KLF13: variants seen among roughly 807,000 people sequenced by gnomAD.
KLF13 encodes KLF transcription factor 13.
Under a neutral mutation model 16.7 loss-of-function variants are expected in KLF13, and 8 were observed. That is an observed-to-expected ratio of 0.48 (90% CI 0.28 to 0.87). The LOEUF (loss-of-function observed/expected upper bound fraction) is 0.87, where lower values mean the gene tolerates loss of function less well. Ranked by LOEUF, KLF13 falls within the 40% of genes least tolerant of loss-of-function variation. The probability of loss-of-function intolerance (pLI) is 0.10; values close to 1 mark genes in which losing one functional copy is unlikely to be tolerated. For missense variants in KLF13, 447 were observed against 452.2 expected (o/e 0.99, Z 0.10); for synonymous variants, 245 against 208.4 (o/e 1.18, Z -1.51).
chr15:31,432,420 T>C (rs1198164463), intron 1 of KLF13, among the ~76,000 whole-genome samples: 2 of 149,762 alleles, frequency 1.3e-5, no homozygotes, highest in Non-Finnish European at 3.0e-5. Flanking sequence ...TCCTCCCTTT[T>C]CTTGCTTTCT....
intron 1 of KLF13, among the ~76,000 whole-genome samples, chr15:31,331,637 A>G (rs958159088): frequency 6.6e-6 from 1 of 152,136 alleles, no homozygotes; most frequent in African/African-American, 2.4e-5. Flanking sequence ...TTGTTCAGAG[A>G]CACACACAGG....
chr15:31,365,917 C>T (rs1566819562), intron 1 of KLF13, among the ~76,000 whole-genome samples: 2 of 152,032 alleles, frequency 1.3e-5, no homozygotes, highest in African/African-American at 2.4e-5. Context: ...TGAGAGAACA[C>T]GTTGTCCCCG....
At chr15:31,392,756 C>T (rs1214462716), upstream of KLF13, 1 of 152,210 alleles carries the variant, frequency 6.6e-6, no homozygotes, top group Non-Finnish European at 1.5e-5. Flanking sequence ...AGGGTCAGCT[C>T]GGGGCTGGGC....
chr15:31,373,188 A>G lies in KLF13; in HGVS notation c.*889A>G, dbSNP rs930325891. The stretch of plus-strand genomic sequence containing the variant: ...CTCTGATGGGGAATTCTGGTCTTCT[A>G]AAAAGATGTTAGAAATTCCTGGTGG... On this transcript the variant is annotated 3_prime_UTR_variant, in exon 2 of 2. Coordinates refer to ENST00000307145, the MANE Select transcript of KLF13 (RefSeq NM_015995.4). 6.6e-6 allele frequency: 1 copy of G among 152,240 alleles called. No individual in the cohort carries two copies. The highest frequency in any genetic ancestry group is 1.5e-5 in the Non-Finnish European group (1 of 68,048). The allele number at this position is 152,240 out of a possible 1,614,324, so 9.4% of individuals were successfully genotyped here.
At chr15:31,351,413 T>G (rs1218122596) in intron 1 of KLF13, among the ~76,000 whole-genome samples, 11 of 152,248 alleles carry the variant, frequency 7.2e-5, no homozygotes, top group Admixed American at 7.2e-4. Context: ...TACATTTTCC[T>G]GCTTTAACAT....
intron 1 of KLF13, among the ~76,000 whole-genome samples, chr15:31,346,561 C>T (rs2039122283): frequency 6.6e-6 from 1 of 152,238 alleles, no homozygotes; most frequent in African/African-American, 2.4e-5. Flanking sequence ...GCCCCAAGGC[C>T]TCATGCTGCC....
At chr15:31,340,499 T>C (rs891045398) in intron 1 of KLF13, among the ~76,000 whole-genome samples, 3 of 152,344 alleles carry the variant, frequency 2.0e-5, no homozygotes, top group Admixed American at 6.5e-5. Flanking sequence ...TCATCCTTTC[T>C]CTGTTTGTAA....
downstream of KLF13, among the ~76,000 whole-genome samples, chr15:31,406,835 T>G (rs534120633): frequency 2.0e-5 from 3 of 152,156 alleles, no homozygotes; most frequent in Non-Finnish European, 4.4e-5. Context: ...GACTCCTGCC[T>G]CCCTCATTGC....
At chr15:31,355,365 G>T (rs562778851) in intron 1 of KLF13, among the ~76,000 whole-genome samples, 6 of 152,172 alleles carry the variant, frequency 3.9e-5, no homozygotes, top group Non-Finnish European at 7.4e-5. Flanking sequence ...CTAAGGAAAG[G>T]CTGGACTGCC....
intron 1 of KLF13, among the ~76,000 whole-genome samples, chr15:31,341,853 C>T (rs970655409): frequency 5.9e-5 from 9 of 152,258 alleles, no homozygotes; most frequent in Admixed American, 1.3e-4. Flanking sequence ...TCAGCTTCTG[C>T]GTCTGTATCC....
chr15:31,344,525 G>GC (rs2039081461), intron 1 of KLF13, among the ~76,000 whole-genome samples: 1 of 152,210 alleles, frequency 6.6e-6, no homozygotes. Flanking sequence ...GTCATGGCTG[G>GC]CCCATGGCGA....
intron 2 of KLF13, among the ~76,000 whole-genome samples, chr15:31,403,235 G>C (rs2040067037): frequency 6.6e-6 from 1 of 152,180 alleles, no homozygotes; most frequent in African/African-American, 2.4e-5. Context: ...GGATAACTCT[G>C]GGCAATATAC....
intron 1 of KLF13, chr15:31,366,059 C>G (rs530307398): frequency 6.6e-6 from 1 of 152,344 alleles, no homozygotes; most frequent in South Asian, 2.1e-4. Context: ...TTATGTAACG[C>G]GCAGCCCTGA....
intron 1 of KLF13, among the ~76,000 whole-genome samples, chr15:31,431,105 C>T (rs1451516621): frequency 2.6e-5 from 4 of 152,064 alleles, no homozygotes; most frequent in African/African-American, 9.7e-5. Flanking sequence ...GAGTTAGTGA[C>T]CTTAAAAAAA....
chr15:31,351,478 GT>G (rs2039216044), intron 1 of KLF13, among the ~76,000 whole-genome samples: 1 of 144,806 alleles, frequency 6.9e-6, no homozygotes, highest in African/African-American at 2.6e-5. Flanking sequence ...GGTCTGAGTG[GT>G]TGCCCCGTGT....
chr15:31,328,009 G>C (rs1175973455), intron 1 of KLF13, among the ~76,000 whole-genome samples: 1 of 147,504 alleles, frequency 6.8e-6, no homozygotes, highest in Non-Finnish European at 1.5e-5. Flanking sequence ...AGGCGACCGC[G>C]CCCCCGCCGG....
chr15:31,383,818 T>C (rs909900085), intron 1 of KLF13, among the ~76,000 whole-genome samples: 45 of 151,760 alleles, frequency 3.0e-4, no homozygotes, highest in Admixed American at 5.2e-4. Flanking sequence ...AGGAGAATGG[T>C]GTGAACCTGG....
At chr15:31,417,175 T>C (rs1195627584) in intron 1 of KLF13, among the ~76,000 whole-genome samples, 1 of 152,064 alleles carries the variant, frequency 6.6e-6, no homozygotes, top group Non-Finnish European at 1.5e-5. Context: ...CCTCCAGAAC[T>C]ATGAGAAATA....
At chr15:31,336,768 G>A (rs781316229) in intron 1 of KLF13, among the ~76,000 whole-genome samples, 12 of 152,098 alleles carry the variant, frequency 7.9e-5, no homozygotes, top group Non-Finnish European at 1.3e-4. Context: ...GGTCCAGCAG[G>A]TCATTGGTCT....
Sources: allele counts gnomAD v4.1 joint callset (sites outside exome capture counted in the v4.1 genomes callset), GRCh38; gene constraint gnomAD v4.1.1; transcripts MANE v1.5; gene names NCBI Gene and HGNC (gene_info 2026-07-23, HGNC 2026-07-21).